SLIT3: variants seen among roughly 807,000 people sequenced by gnomAD.
The protein encoded by SLIT3 is slit guidance ligand 3.
A neutral mutation model predicts 184.0 loss-of-function variants in SLIT3; 68 were observed. The observed-to-expected ratio is 0.37, with a 90% CI of 0.30 to 0.45. SLIT3 has a LOEUF of 0.45. SLIT3 is among the 20% of genes least tolerant of loss of function. The pLI is 1.00. For synonymous variants in SLIT3, 831 were observed against 828.6 expected, an observed-to-expected ratio of 1.00 and a Z score of -0.05; for missense variants, 1,707 against 2,026.0, an observed-to-expected ratio of 0.84 and a Z score of 3.02.
chr5:169,260,914 C>A (rs1327403784), intron 1 of SLIT3, among the ~76,000 whole-genome samples: 1 of 152,134 alleles, frequency 6.6e-6, no homozygotes, highest in African/African-American at 2.4e-5. Flanking sequence ...GGTTGGCAAC[C>A]TTTTTCTTTA....
At chr5:168,830,724 G>T (rs1473040356) in intron 6 of SLIT3, among the ~76,000 whole-genome samples, 2 of 152,170 alleles carry the variant, frequency 1.3e-5, no homozygotes, top group East Asian at 3.8e-4. Flanking sequence ...CATAAACTCT[G>T]CTCAGATCTC....
At chr5:168,904,295 C>G (rs1304093318) in intron 4 of SLIT3, among the ~76,000 whole-genome samples, 3 of 152,176 alleles carry the variant, frequency 2.0e-5, no homozygotes, top group Non-Finnish European at 4.4e-5. Flanking sequence ...GCTAAGTTTG[C>G]TTCTGGTAGA....
intron 1 of SLIT3, among the ~76,000 whole-genome samples, chr5:169,277,606 A>C (rs1766853482): frequency 6.6e-6 from 1 of 152,206 alleles, no homozygotes; most frequent in Non-Finnish European, 1.5e-5. Context: ...TTAAGGTTGA[A>C]TAATATTCCA....
At chr5:168,916,676 G>A (rs977955233) in intron 4 of SLIT3, among the ~76,000 whole-genome samples, 1 of 152,214 alleles carries the variant, frequency 6.6e-6, no homozygotes, top group Admixed American at 6.5e-5. Flanking sequence ...CAAAAATACA[G>A]TTAACCTTTC....
At chr5:168,832,344 A>T (rs1441728428) in intron 6 of SLIT3, among the ~76,000 whole-genome samples, 1 of 152,244 alleles carries the variant, frequency 6.6e-6, no homozygotes, top group Non-Finnish European at 1.5e-5. Context: ...TAAGAGAGGA[A>T]GAAGAGGGAC....
chr5:169,176,513 A>AT (rs755999348), intron 4 of SLIT3, among the ~76,000 whole-genome samples: 1 of 152,170 alleles, frequency 6.6e-6, no homozygotes, highest in Non-Finnish European at 1.5e-5. Context: ...GATCCTTCGA[A>AT]TTTCCTTACT....
chr5:168,704,358 TAC>T (rs1170190795), intron 26 of SLIT3, among the ~76,000 whole-genome samples: 1 of 152,196 alleles, frequency 6.6e-6, no homozygotes. Flanking sequence ...GTAGGCAAAG[TAC>T]ACACACAGCC....
intron 25 of SLIT3, among the ~76,000 whole-genome samples, chr5:168,709,115 T>TTC: frequency 6.6e-6 from 1 of 151,634 alleles, no homozygotes; most frequent in Non-Finnish European, 1.5e-5. Context: ...TTTTTTTTTT[T>TTC]TGAGATGGAG....
In SLIT3 at chr5:168,861,963, G is replaced by A. The variant is rs1037610107; in HGVS notation, c.486-17308C>T. On this transcript the variant is annotated intron_variant, in intron 5 of 35. Transcript: ENST00000519560. ...TAACATTAGCAGCTGCTTAGCAGCC[G>A]TGAGAGCATCATTTAATGGGGCCGT... Among the ~76,000 whole-genome samples the A allele has an allele frequency of 1.3e-5, 2 of 152,324 alleles. 1 individual carries two copies. Among genetic ancestry groups the A allele is most frequent in the African/African-American group, 4.8e-5 (2 of 41,566 alleles).
chr5:168,735,455 T>C (rs963342180), intron 20 of SLIT3, among the ~76,000 whole-genome samples: 2 of 152,094 alleles, frequency 1.3e-5, no homozygotes. Context: ...CTCTACTATC[T>C]AAGAGCTGTG....
chr5:168,746,000 TGTACATTG>T lies in SLIT3; in HGVS notation c.2270+2294_2270+2301del, dbSNP rs371768313. 2.1e-3 allele frequency among the ~76,000 whole-genome samples: 318 copies of T among 152,370 alleles called. 3 individuals are homozygous for T. Among genetic ancestry groups the T allele is most frequent in the African/African-American group, 7.4e-3 (307 of 41,580 alleles). Reference sequence around the variant, plus strand: ...AATAAAGCATTTTTGAATTAAGGTATGTACATTGGTACATTGGTTTTTTTCCAACACAA... The same window carrying T: ...AATAAAGCATTTTTGAATTAAGGTATGTACATTGGTTTTTTTCCAACACAA... On this transcript the variant is annotated intron_variant, in intron 20 of 35. Coordinates refer to ENST00000519560, the MANE Select transcript of SLIT3 (RefSeq NM_003062.4).
intron 29 of SLIT3, among the ~76,000 whole-genome samples, chr5:168,691,213 G>C (rs1761896573): frequency 6.6e-6 from 1 of 152,172 alleles, no homozygotes; most frequent in Non-Finnish European, 1.5e-5. Context: ...ACACAATCAA[G>C]ATCTGTGGAC....
At chr5:168,717,640 C>G (rs1762784212) in intron 23 of SLIT3, among the ~76,000 whole-genome samples, 2 of 151,988 alleles carry the variant, frequency 1.3e-5, no homozygotes, top group South Asian at 4.2e-4. Flanking sequence ...TTGAACAAGT[C>G]ACTAAACCTC....
intron 4 of SLIT3, among the ~76,000 whole-genome samples, chr5:169,045,970 G>A (rs1280780734): frequency 6.6e-6 from 1 of 152,172 alleles, no homozygotes; most frequent in Non-Finnish European, 1.5e-5. Flanking sequence ...ACAGTTCTTA[G>A]TATAATATAT....
At chr5:169,140,480 C>CAAA (rs34881862) in intron 4 of SLIT3, among the ~76,000 whole-genome samples, 10 of 46,924 alleles carry the variant, frequency 2.1e-4, no homozygotes, top group Admixed American at 3.6e-4. Flanking sequence ...AACTCTAACT[C>CAAA]AAAAAAAAAA....
intron 4 of SLIT3, among the ~76,000 whole-genome samples, chr5:169,122,131 T>C (rs1028478460): frequency 6.6e-6 from 1 of 152,214 alleles, no homozygotes; most frequent in Non-Finnish European, 1.5e-5. Flanking sequence ...TCCATTTCAC[T>C]AGGGCCTATG....
chr5:168,741,071 A>G (rs1763618739), intron 20 of SLIT3, among the ~76,000 whole-genome samples: 2 of 152,220 alleles, frequency 1.3e-5, no homozygotes, highest in South Asian at 2.1e-4. Context: ...GTGGACATGA[A>G]CTTTTTAGCA....
chr5:169,086,748 T>G (rs1393647260), intron 4 of SLIT3, among the ~76,000 whole-genome samples: 1 of 152,228 alleles, frequency 6.6e-6, no homozygotes, highest in Non-Finnish European at 1.5e-5. Context: ...CCTTGACCTT[T>G]GACCCTTAAT....
intron 12 of SLIT3, among the ~76,000 whole-genome samples, chr5:168,782,173 C>A (rs1005680737): frequency 3.3e-5 from 5 of 152,098 alleles, no homozygotes; most frequent in African/African-American, 1.2e-4. Flanking sequence ...GTCTTGTCTG[C>A]CTTCCAAGAA....
Sources: allele counts gnomAD v4.1 joint callset (sites outside exome capture counted in the v4.1 genomes callset), GRCh38; gene constraint gnomAD v4.1.1; transcripts MANE v1.5; gene names NCBI Gene and HGNC (gene_info 2026-07-23, HGNC 2026-07-21).